Variants in SYN3 observed in about 807,000 individuals in gnomAD.
The protein encoded by SYN3 is synapsin-3.
A neutral mutation model predicts 65.8 loss-of-function variants in SYN3; 35 were observed. The observed-to-expected ratio is 0.53, with a 90% CI of 0.41 to 0.70. The LOEUF (loss-of-function observed/expected upper bound fraction) is 0.70. Ranked by LOEUF, SYN3 falls within the 30% of genes least tolerant of loss-of-function variation. The probability of loss-of-function intolerance (pLI) is 0.00; values close to 1 mark genes in which losing one functional copy is unlikely to be tolerated. For missense variants in SYN3, 680 were observed against 749.0 expected (o/e 0.91, Z 1.08); for synonymous variants, 270 against 292.9 (o/e 0.92, Z 0.80).
At chr22:32,715,778 C>CAAAAA (rs765122891) in intron 6 of SYN3, among the ~76,000 whole-genome samples, 2 of 67,594 alleles carry the variant, frequency 3.0e-5, no homozygotes, top group East Asian at 3.9e-4. Context: ...GACTCTGTCT[C>CAAAAA]AAAAAAAAAA....
At chr22:32,538,353 A>C (rs1237596595) in intron 8 of SYN3, among the ~76,000 whole-genome samples, 1 of 152,164 alleles carries the variant, frequency 6.6e-6, no homozygotes, top group African/African-American at 2.4e-5. Context: ...TGAAATTGAA[A>C]GATTAAATTA....
At chr22:32,571,810 G>A (rs1320407596) in intron 7 of SYN3, among the ~76,000 whole-genome samples, 2 of 151,964 alleles carry the variant, frequency 1.3e-5, no homozygotes, top group Non-Finnish European at 2.9e-5. Context: ...CTTCATGAAG[G>A]CATCAGCTTT....
intron 6 of SYN3, among the ~76,000 whole-genome samples, chr22:32,758,898 T>C (rs1213636771): frequency 6.6e-6 from 1 of 151,204 alleles, no homozygotes. Flanking sequence ...GTATCCTGTA[T>C]GCATTCCCAG....
At chr22:32,819,114 T>C (rs1429621459) in intron 6 of SYN3, among the ~76,000 whole-genome samples, 1 of 152,222 alleles carries the variant, frequency 6.6e-6, no homozygotes, top group Non-Finnish European at 1.5e-5. Context: ...GGGTTTCAGA[T>C]TGCTCAGGGG....
At chr22:32,760,919 G>A (rs2045461706) in intron 6 of SYN3, among the ~76,000 whole-genome samples, 1 of 152,208 alleles carries the variant, frequency 6.6e-6, no homozygotes, top group Non-Finnish European at 1.5e-5. Flanking sequence ...GCTGGTCCAG[G>A]GTCAAGGAAA....
chr22:32,705,964 G>C (rs1415788243), intron 6 of SYN3, among the ~76,000 whole-genome samples: 1 of 152,202 alleles, frequency 6.6e-6, no homozygotes, highest in East Asian at 1.9e-4. Flanking sequence ...TTTGGGCTGA[G>C]ACCATGGGGA....
At chr22:33,036,592 A>G (rs150713714) in intron 1 of SYN3, among the ~76,000 whole-genome samples, 10 of 151,132 alleles carry the variant, frequency 6.6e-5, no homozygotes, top group South Asian at 2.1e-4. Flanking sequence ...ACTTTCCACA[A>G]TTTGCTGCCC....
intron 6 of SYN3, among the ~76,000 whole-genome samples, chr22:32,818,928 C>A (rs953803789): frequency 2.6e-4 from 39 of 152,204 alleles, no homozygotes; most frequent in African/African-American, 9.4e-4. Context: ...GGTCACTTGG[C>A]CCCTGCAGCT....
At chr22:32,825,657 CAAAAAAAAAAAAAAAAAAAAAAAAAAA>C (rs130292) in intron 6 of SYN3, among the ~76,000 whole-genome samples, 2 of 28,594 alleles carry the variant, frequency 7.0e-5, no homozygotes, top group Non-Finnish European at 1.2e-4. Flanking sequence ...GTTTCCATCT[CAAAAAAAAAAAAAAAAAAAAAAAAAAA>C]AAAAAAAAAA....
chr22:32,718,552 A>G (rs2061071316), intron 6 of SYN3, among the ~76,000 whole-genome samples: 1 of 152,024 alleles, frequency 6.6e-6, no homozygotes, highest in Admixed American at 6.6e-5. Flanking sequence ...GGCAATCCAT[A>G]TATTGGCATT....
intron 6 of SYN3, among the ~76,000 whole-genome samples, chr22:32,702,707 C>T (rs1206081953): frequency 6.6e-6 from 1 of 151,076 alleles, no homozygotes; most frequent in Non-Finnish European, 1.5e-5. Context: ...CTTTAGCAAT[C>T]CTGAAAGAAC....
At chr22:32,627,008 G>C (rs777934195) in intron 6 of SYN3, among the ~76,000 whole-genome samples, 1 of 152,124 alleles carries the variant, frequency 6.6e-6, no homozygotes, top group Non-Finnish European at 1.5e-5. Context: ...CCCAGATGAT[G>C]CTCTTATGCC....
intron 6 of SYN3, among the ~76,000 whole-genome samples, chr22:32,795,300 C>G (rs376720384): frequency 6.6e-6 from 1 of 152,270 alleles, no homozygotes; most frequent in East Asian, 1.9e-4. Flanking sequence ...TTGAAATTGT[C>G]AGGAAAGAAT....
chr22:32,563,654 G>A (rs1481183113), intron 7 of SYN3, among the ~76,000 whole-genome samples: 1 of 152,068 alleles, frequency 6.6e-6, no homozygotes, highest in Non-Finnish European at 1.5e-5. Flanking sequence ...CTTTCCCCTT[G>A]GACAACCTGG....
chr22:32,565,298 T>C (rs1041637389), intron 7 of SYN3, among the ~76,000 whole-genome samples: 43 of 152,208 alleles, frequency 2.8e-4, no homozygotes, highest in African/African-American at 9.9e-4. Flanking sequence ...GTGGATGGGA[T>C]TGTCTAAAGC....
chr22:32,811,684 T>G (rs943883257), intron 6 of SYN3, among the ~76,000 whole-genome samples: 6 of 152,148 alleles, frequency 3.9e-5, no homozygotes, highest in Non-Finnish European at 5.9e-5. Flanking sequence ...GAAAGCAGGA[T>G]GGTGATTGGG....
intron 4 of SYN3, among the ~76,000 whole-genome samples, chr22:32,896,284 G>A (rs1429129537): frequency 2.6e-5 from 4 of 152,112 alleles, no homozygotes; most frequent in African/African-American, 7.2e-5. Flanking sequence ...GTGAAACCCC[G>A]ACTCTACTGA....
intron 3 of SYN3, among the ~76,000 whole-genome samples, chr22:32,936,024 A>T (rs969547399): frequency 6.6e-6 from 1 of 152,258 alleles, no homozygotes; most frequent in African/African-American, 2.4e-5. Context: ...TATTATTTTC[A>T]AATATTCCAT....
chr22:32,612,367 C>T (rs960581064), intron 6 of SYN3, among the ~76,000 whole-genome samples: 3 of 152,130 alleles, frequency 2.0e-5, no homozygotes, highest in Admixed American at 6.6e-5. Flanking sequence ...AGCCCTTAAC[C>T]GGTAGGATCT....
Sources: gnomAD v4.1 joint callset for allele counts (sites outside exome capture counted in the v4.1 genomes callset) on GRCh38, gnomAD v4.1.1 for gene constraint, MANE v1.5 for transcripts, NCBI Gene and HGNC (gene_info 2026-07-23, HGNC 2026-07-21) for gene names.